Variants in BNIP2 observed in about 807,000 individuals in gnomAD.
BNIP2 encodes BCL2/adenovirus E1B 19 kDa protein-interacting protein 2.
Under a neutral mutation model 43.4 loss-of-function variants are expected in BNIP2, and 36 were observed. The observed-to-expected ratio is 0.83, with a 90% CI of 0.64 to 1.10. BNIP2 has a LOEUF of 1.10. Among genes scored for constraint, BNIP2 ranks in the 50% least tolerant of loss-of-function variants. The probability of loss-of-function intolerance (pLI) is 0.00; values close to 1 mark genes in which losing one functional copy is unlikely to be tolerated. For missense variants in BNIP2, 417 were observed against 374.1 expected (o/e 1.11, Z -0.95); for synonymous variants, 146 against 121.0 (o/e 1.21, Z -1.35).
chr15:59,683,555 G>A (rs534367931), intron 1 of BNIP2, among the ~76,000 whole-genome samples: 16 of 152,186 alleles, frequency 1.1e-4, no homozygotes, highest in Admixed American at 4.6e-4. Flanking sequence ...GGTGGCTCAC[G>A]CCTGTAATCC....
At position 59,674,101 on chromosome 15, in the gene BNIP2, C is replaced by CA. The variant is rs1315173579; in HGVS notation, c.473-1363dup. On this transcript the variant is annotated intron_variant, in intron 5 of 9. Coordinates refer to ENST00000607373, the MANE Select transcript of BNIP2 (RefSeq NM_004330.4). The stretch of plus-strand genomic sequence containing the variant: ...CAAGACTTGGGTCTCAAAAAAAAAA[C>CA]AAAAACAAAAACAAAAAAACAAACT... 4.3e-5 allele frequency among the ~76,000 whole-genome samples: 6 copies of CA among 140,042 alleles called. 1 individual carries two copies. The highest frequency in any genetic ancestry group is 1.3e-4 in the African/African-American group (5 of 38,448). 91.9% of individuals were successfully genotyped at this position (140,042 alleles called of 152,430 possible). A position where few individuals can be genotyped will look rare whatever the true frequency, so the allele number is the denominator to read the frequency against.
intron 6 of BNIP2, chr15:59,672,173 T>C (rs1198676786): frequency 6.6e-6 from 1 of 152,426 alleles, no homozygotes; most frequent in Non-Finnish European, 1.5e-5. Context: ...TATCGTTCCA[T>C]AATATCAAAG....
At position 59,659,707 on chromosome 15, in the gene BNIP2, T is replaced by G. The variant is rs1892150006; in HGVS notation, c.*4362A>C. 6.6e-6 allele frequency: 1 copy of G among 152,228 alleles called. No individual in the cohort carries two copies. The highest frequency in any genetic ancestry group is 2.1e-4 in the South Asian group (1 of 4,832). 9.4% of individuals were successfully genotyped at this position (152,228 alleles called of 1,614,324 possible). On this transcript the variant is annotated 3_prime_UTR_variant, in exon 10 of 10. Coordinates refer to ENST00000607373, the MANE Select transcript of BNIP2 (RefSeq NM_004330.4). Reference sequence around the variant, plus strand: ...GCATAAAAATTTCAAAATGCAAATATTTTAACTTCTTGTTAAACATGATTC... The same window carrying G: ...GCATAAAAATTTCAAAATGCAAATAGTTTAACTTCTTGTTAAACATGATTC...
rs1894210383 is a variant in BNIP2 at position 59,689,018 on chromosome 15, C to G, written c.-58+117G>C. ...ATGGCTCCCCCTACCAAGGGTAACT[C>G]TCTGGGTTTCCTCTCCCCGGACGTC... is the stretch of plus-strand genomic sequence containing the variant. On this transcript the variant is annotated intron_variant, in intron 1 of 9. Coordinates refer to ENST00000607373, the MANE Select transcript of BNIP2 (RefSeq NM_004330.4). The G allele has an allele frequency of 2.1e-6, 3 of 1,448,780 alleles. No homozygotes were observed. In the Admixed American group the frequency reaches 8.1e-5, roughly 39 times the overall value. 89.7% of individuals were successfully genotyped at this position (1,448,780 alleles called of 1,614,324 possible).
intron 1 of BNIP2, among the ~76,000 whole-genome samples, chr15:59,686,454 T>G (rs1393238184): frequency 6.6e-6 from 1 of 152,212 alleles, no homozygotes; most frequent in Non-Finnish European, 1.5e-5. Flanking sequence ...TTTTACTATA[T>G]GCAGTTTAAT....
chr15:59,683,357 A>C (rs1244698049), intron 1 of BNIP2, among the ~76,000 whole-genome samples: 6 of 152,264 alleles, frequency 3.9e-5, no homozygotes, highest in Non-Finnish European at 5.9e-5. Flanking sequence ...CTATAGAAGG[A>C]AAGAGGTATA....
chr15:59,672,276 G>A (rs966727386), intron 6 of BNIP2: 1 of 163,054 alleles, frequency 6.1e-6, no homozygotes, highest in Non-Finnish European at 1.3e-5. Flanking sequence ...AAAAGATCTG[G>A]GATATTTATT....
intron 5 of BNIP2, among the ~76,000 whole-genome samples, chr15:59,675,826 A>G (rs1893247627): frequency 1.3e-5 from 2 of 152,200 alleles, no homozygotes; most frequent in South Asian, 4.1e-4. Context: ...ACATGGATGA[A>G]TCTCAAAAAC....
intron 1 of BNIP2, among the ~76,000 whole-genome samples, chr15:59,686,689 G>C (rs1387094873): frequency 6.6e-6 from 1 of 152,226 alleles, no homozygotes; most frequent in Non-Finnish European, 1.5e-5. Flanking sequence ...CATGAGGGTA[G>C]TTTTCAAACA....
chr15:59,677,307 T>C, intron 5 of BNIP2: 3 of 1,577,160 alleles, frequency 1.9e-6, no homozygotes, highest in Non-Finnish European at 2.6e-6. Context: ...GAAAGCCACA[T>C]CAACAAGCCC....
intron 1 of BNIP2, among the ~76,000 whole-genome samples, chr15:59,683,441 T>A (rs1246782036): frequency 6.6e-6 from 1 of 152,238 alleles, no homozygotes; most frequent in Non-Finnish European, 1.5e-5. Context: ...GTAACATATT[T>A]CTGTTCTTTT....
chr15:59,683,335 A>C (rs545995466), intron 1 of BNIP2, among the ~76,000 whole-genome samples: 1 of 152,250 alleles, frequency 6.6e-6, no homozygotes, highest in Admixed American at 6.5e-5. Context: ...CAATGCAACA[A>C]AACAGTGAAA....
chr15:59,677,335 G>A, intron 5 of BNIP2: 3 of 1,558,672 alleles, frequency 1.9e-6, no homozygotes, highest in Non-Finnish European at 2.6e-6. Context: ...CCAGCGTTCA[G>A]AAGGCCAGCA....
rs1268891828 is a variant in BNIP2, at chr15:59,662,944, C to A, written c.*1125G>T. 6.6e-6 allele frequency: 1 copy of A among 152,284 alleles called. No individual in the cohort carries two copies. Among genetic ancestry groups the A allele is most frequent in the East Asian group, 1.9e-4 (1 of 5,202 alleles). The allele number at this position is 152,284 out of a possible 1,614,324, so 9.4% of individuals were successfully genotyped here. A position where few individuals can be genotyped will look rare whatever the true frequency, so the allele number is the denominator to read the frequency against. On this transcript the variant is annotated 3_prime_UTR_variant, in exon 10 of 10. Coordinates refer to ENST00000607373, the MANE Select transcript of BNIP2 (RefSeq NM_004330.4). ...TAAATGCTTGTAACAAACGTGTTAT[C>A]CAAAACAGCACAATATGATGATGCT...
intron 1 of BNIP2, among the ~76,000 whole-genome samples, chr15:59,686,176 G>A (rs1436859377): frequency 6.6e-6 from 1 of 152,178 alleles, no homozygotes; most frequent in Non-Finnish European, 1.5e-5. Context: ...GCTTCAAGGG[G>A]GAGGAGTACT....
In BNIP2 at chr15:59,678,279, G is replaced by C. The variant is rs557981567; in HGVS notation, c.296-192C>G. The C allele has an allele frequency of 2.4e-4, 309 of 1,307,572 alleles. 5 individuals are homozygous for C. The South Asian group carries it at 5.4e-3, about 23-fold the overall frequency. The allele number at this position is 1,307,572 out of a possible 1,614,324, so 81.0% of individuals were successfully genotyped here. ...GCTGTTTTATGTCTTTGGAAATCAT[G>C]GTTCTTTAACTTTTATTGCCCAATT... On this transcript the variant is annotated intron_variant, in intron 4 of 9. Transcript: ENST00000607373.
chr15:59,676,813 C>T lies in BNIP2; in HGVS notation c.472+1098G>A, dbSNP rs1256260003. ...GCGGTGGCCGCCTGGCCCTGCAGCG[C>T]CGCTACTACTTCCCTTCCTGCCGGG... On this transcript the variant is annotated intron_variant, in intron 5 of 9. Coordinates refer to ENST00000607373, the MANE Select transcript of BNIP2 (RefSeq NM_004330.4). 1.1e-5 allele frequency: 17 copies of T among 1,534,904 alleles called. No homozygotes were observed. In the East Asian group the frequency reaches 3.7e-4, roughly 33 times the overall value.
chr15:59,664,881 C>T (rs1892474910), intron 9 of BNIP2, among the ~76,000 whole-genome samples: 1 of 152,180 alleles, frequency 6.6e-6, no homozygotes, highest in Non-Finnish European at 1.5e-5. Context: ...AAAAATGCAT[C>T]CTTATAGAAC....
rs759142195 is a variant in BNIP2, at chr15:59,680,257, T to C, written c.102A>G (p.Gly34=). Residue 34 remains glycine, a synonymous_variant, in exon 3 of 10, where the codon GGA becomes GGG. Coordinates refer to ENST00000607373, the MANE Select transcript of BNIP2 (RefSeq NM_004330.4). ...SIEADILAIT[G]PEDQPGSLEV... The stretch of plus-strand genomic sequence containing the variant: ...AGCTCTTACCAGGCTGGTCCTCTGG[T>C]CCAGTTATAGCTAGTATATCTGCTT... The C allele has an allele frequency of 6.3e-7, 1 of 1,598,098 alleles. No individual in the cohort carries two copies. The highest frequency in any genetic ancestry group is 1.7e-5 in the Admixed American group (1 of 58,976).
Sources: allele counts gnomAD v4.1 joint callset (sites outside exome capture counted in the v4.1 genomes callset), GRCh38; gene constraint gnomAD v4.1.1; transcripts MANE v1.5; gene names NCBI Gene and HGNC (gene_info 2026-07-23, HGNC 2026-07-21).